SLC15A1: variants seen among roughly 807,000 people sequenced by gnomAD.
SLC15A1 encodes solute carrier family 15 member 1.
A neutral mutation model predicts 92.9 loss-of-function variants in SLC15A1; 83 were observed. That is an observed-to-expected ratio of 0.89 (90% CI 0.75 to 1.07). The LOEUF is 1.07. Ranked by LOEUF, SLC15A1 falls within the 50% of genes least tolerant of loss-of-function variation. The pLI is 0.00. For missense variants in SLC15A1, 857 were observed against 880.1 expected (o/e 0.97, Z 0.33); for synonymous variants, 322 against 318.2 (o/e 1.01, Z -0.13).
At chr13:98,738,244 T>C (rs1444311810) in intron 1 of SLC15A1, among the ~76,000 whole-genome samples, 3 of 152,240 alleles carry the variant, frequency 2.0e-5, no homozygotes, top group Non-Finnish European at 4.4e-5. Context: ...AGCCTGGCTA[T>C]GTGGCAGAGA....
At chr13:98,715,331 T>C (rs1408660581) in intron 9 of SLC15A1, among the ~76,000 whole-genome samples, 1 of 152,164 alleles carries the variant, frequency 6.6e-6, no homozygotes, top group Non-Finnish European at 1.5e-5. Flanking sequence ...CCCGCCACCA[T>C]GCCTGGCTAA....
chr13:98,727,006 A>C, intron 1 of SLC15A1, 147 bp from the exon 2 acceptor site: 1 of 719,716 alleles, frequency 1.4e-6, no homozygotes, highest in South Asian at 1.7e-5. Context: ...CCGGCCCCAG[A>C]CTCATGCTTC....
chr13:98,730,160 C>T (rs1469054397), intron 1 of SLC15A1, among the ~76,000 whole-genome samples: 1 of 149,652 alleles, frequency 6.7e-6, no homozygotes, highest in Admixed American at 6.7e-5. Context: ...CGCACCACTG[C>T]ACTCCAGCCT....
At chr13:98,730,223 A>AGGGAAG (rs2088337046) in intron 1 of SLC15A1, among the ~76,000 whole-genome samples, 2 of 44,048 alleles carry the variant, frequency 4.5e-5, no homozygotes, top group African/African-American at 2.2e-4. Flanking sequence ...AGGGAGGGGA[A>AGGGAAG]GGGAAGGGGA....
At chr13:98,704,482 C>T in intron 16 of SLC15A1, 47 bp from the exon 17 acceptor site, 2 of 1,543,604 alleles carry the variant, frequency 1.3e-6, no homozygotes, top group Middle Eastern at 1.9e-4. Context: ...AGAGTCTCGG[C>T]ACTATGCAAC....
intron 15 of SLC15A1, 90 bp from the exon 16 acceptor site, chr13:98,706,343 C>A: frequency 2.1e-6 from 3 of 1,454,280 alleles, no homozygotes; most frequent in South Asian, 2.5e-5. Context: ...TTTCCTCCAG[C>A]TGGGAAAAGC....
intron 1 of SLC15A1, among the ~76,000 whole-genome samples, chr13:98,744,854 A>G (rs2088480647): frequency 6.6e-6 from 1 of 152,050 alleles, no homozygotes; most frequent in Non-Finnish European, 1.5e-5. Context: ...TATCTGTAAG[A>G]AAGTTCTAGA....
At chr13:98,707,895 A>ATT (rs1566447952) in intron 15 of SLC15A1, among the ~76,000 whole-genome samples, 55 of 55,272 alleles carry the variant, frequency 1.0e-3, no homozygotes, top group African/African-American at 2.0e-3. Flanking sequence ...CCTGTTTAAA[A>ATT]AAAAAAAAAA....
intron 1 of SLC15A1, among the ~76,000 whole-genome samples, chr13:98,747,503 G>C (rs1203221403): frequency 6.6e-6 from 1 of 152,178 alleles, no homozygotes; most frequent in African/African-American, 2.4e-5. Context: ...ATTCCTGGTA[G>C]CTCAACTAGC....
intron 14 of SLC15A1, 67 bp from the exon 15 acceptor site, chr13:98,708,834 C>A: frequency 8.8e-7 from 1 of 1,137,314 alleles, no homozygotes; most frequent in Non-Finnish European, 1.2e-6. Flanking sequence ...AAACCCCCAC[C>A]CCCACCATCC....
intron 18 of SLC15A1, among the ~76,000 whole-genome samples, chr13:98,694,541 CAA>C (rs2088006540): frequency 6.6e-6 from 1 of 152,030 alleles, no homozygotes; most frequent in South Asian, 2.1e-4. Context: ...TTACATGTGA[CAA>C]AAAGTTTTAA....
At chr13:98,722,705 C>T (rs2088270131) in intron 5 of SLC15A1, among the ~76,000 whole-genome samples, 1 of 152,190 alleles carries the variant, frequency 6.6e-6, no homozygotes. Context: ...ACCAATCTTC[C>T]TGAATTGGCT....
Position 98,724,025 on chromosome 13 carries a change from A to G in SLC15A1, c.252T>C (p.Ile84=), listed in dbSNP as rs2088279964. ...ADSWLGKFKT[I]VSLSIVYTIG... ...TTGTGTAGACAATGGAGAGCGACAC[A>G]ATGGTCCTGTGTTTCCAAAGATTAA... Residue 84 remains isoleucine (I), a synonymous_variant, in exon 5 of 23, where the codon ATT becomes ATC. Coordinates refer to ENST00000376503, the MANE Select transcript of SLC15A1 (RefSeq NM_005073.4). 1 of 1,613,984 alleles carries G rather than the reference A, an allele frequency of 6.2e-7. No individual in the cohort carries two copies.
intron 5 of SLC15A1, among the ~76,000 whole-genome samples, chr13:98,722,691 C>A (rs1024270418): frequency 6.6e-6 from 1 of 152,160 alleles, no homozygotes; most frequent in Non-Finnish European, 1.5e-5. Context: ...ATCATGCTTC[C>A]TGAACCAATC....
chr13:98,688,974 C>T (rs2139561010), intron 18 of SLC15A1, among the ~76,000 whole-genome samples: 1 of 152,306 alleles, frequency 6.6e-6, no homozygotes, highest in East Asian at 1.9e-4. Context: ...GAGTCTCGCT[C>T]TGTCACCCAG....
At chr13:98,730,689 G>T (rs1414459790) in intron 1 of SLC15A1, among the ~76,000 whole-genome samples, 2 of 152,266 alleles carry the variant, frequency 1.3e-5, no homozygotes, top group Non-Finnish European at 2.9e-5. Flanking sequence ...GACTGCCTCA[G>T]GGTCCTCAGC....
At chr13:98,688,211 G>A in intron 20 of SLC15A1, 37 bp downstream of exon 20, 1 of 1,344,710 alleles carries the variant, frequency 7.4e-7, no homozygotes, top group African/African-American at 1.4e-5. Flanking sequence ...AATCGAGTAT[G>A]AGCAGATCTT....
At chr13:98,686,568 A>G (rs2087931150) in intron 21 of SLC15A1, among the ~76,000 whole-genome samples, 1 of 152,144 alleles carries the variant, frequency 6.6e-6, no homozygotes, top group Admixed American at 6.5e-5. Context: ...AGCTGATCCT[A>G]TTTCTACAGG....
intron 8 of SLC15A1, 80 bp from the exon 9 acceptor site, chr13:98,716,040 A>G: frequency 8.5e-7 from 1 of 1,170,722 alleles, no homozygotes; most frequent in Non-Finnish European, 1.3e-6. Context: ...CCTTTATTTG[A>G]ATTATAACTT....
Sources: allele counts gnomAD v4.1 joint callset (sites outside exome capture counted in the v4.1 genomes callset), GRCh38; gene constraint gnomAD v4.1.1; transcripts MANE v1.5; gene names NCBI Gene and HGNC (gene_info 2026-07-23, HGNC 2026-07-21).